EPS15: variants seen among roughly 807,000 people sequenced by gnomAD.
The protein encoded by EPS15 is epidermal growth factor receptor substrate 15.
In EPS15, 72 loss-of-function variants were observed where a neutral mutation model predicts 113.8. The observed-to-expected ratio is 0.63, with a 90% confidence interval of 0.52 to 0.77. The LOEUF is 0.77. EPS15 is among the 30% of genes least tolerant of loss of function. EPS15 has a pLI of 0.00. For synonymous variants in EPS15, 344 were observed against 363.4 expected (o/e 0.95, Z 0.61); for missense variants, 1,048 against 1,045.8 (o/e 1.00, Z -0.03).
chr1:51,436,874 G>A (rs1224156470), intron 12 of EPS15, among the ~76,000 whole-genome samples: 2 of 152,082 alleles, frequency 1.3e-5, no homozygotes, highest in African/African-American at 4.8e-5. Context: ...GGACAATTAG[G>A]GAATTCATAT....
Position 51,444,944 on chromosome 1 carries a change from G to A in EPS15, c.899C>T (p.Pro300Leu). 1 of 1,614,000 alleles carries A rather than the reference G, an allele frequency of 6.2e-7. No homozygotes were observed. Among genetic ancestry groups the A allele is most frequent in the Non-Finnish European group, 8.5e-7 (1 of 1,179,912 alleles). Residue 300 changes from proline (P) to leucine (L), a missense_variant, in exon 11 of 25, where the codon CCT (proline) becomes CTT (leucine). Physicochemically the swap from Pro to Leu is moderately conservative, Grantham distance 98. Coordinates refer to ENST00000371733, the MANE Select transcript of EPS15 (RefSeq NM_001981.3). ...SQKLIKGIDP[P>L]HVLTPEMIPP... is the part of the protein sequence containing the mutation. Reference sequence around the variant, plus strand: ...AATCATTTCAGGAGTAAGAACGTGAGGAGGATCAATGCCCTTGATTAACTT... The same window carrying A: ...AATCATTTCAGGAGTAAGAACGTGAAGAGGATCAATGCCCTTGATTAACTT...
intron 21 of EPS15, among the ~76,000 whole-genome samples, chr1:51,385,009 C>G (rs879520805): frequency 7.2e-5 from 11 of 152,126 alleles, no homozygotes; most frequent in Admixed American, 6.5e-4. Context: ...GGAAATGCTT[C>G]CTGATATTGG....
intron 14 of EPS15, among the ~76,000 whole-genome samples, chr1:51,409,102 G>A (rs565768948): frequency 5.3e-5 from 8 of 152,002 alleles, no homozygotes; most frequent in Non-Finnish European, 1.2e-4. Context: ...CATATTTTTT[G>A]TAGAGATGGG....
intron 8 of EPS15, among the ~76,000 whole-genome samples, chr1:51,450,077 T>A (rs1570330999): frequency 6.6e-6 from 1 of 151,620 alleles, no homozygotes; most frequent in Non-Finnish European, 1.5e-5. Flanking sequence ...GCCAAGGAGG[T>A]ATTCCTAATA....
chr1:51,508,324 G>A (rs868122008), intron 1 of EPS15, among the ~76,000 whole-genome samples: 64 of 123,898 alleles, frequency 5.2e-4, no homozygotes, highest in African/African-American at 2.0e-3. Flanking sequence ...GAGAGAAAGA[G>A]AGAAAGAGAA....
chr1:51,475,481 T>G (rs530163995), intron 2 of EPS15, among the ~76,000 whole-genome samples: 1 of 152,354 alleles, frequency 6.6e-6, no homozygotes, highest in East Asian at 1.9e-4. Context: ...TATCTTCTTT[T>G]GAGAAGTGTC....
intron 21 of EPS15, among the ~76,000 whole-genome samples, chr1:51,379,594 G>T (rs184330542): frequency 8.5e-5 from 13 of 152,258 alleles, no homozygotes; most frequent in Non-Finnish European, 1.6e-4. Flanking sequence ...AAACTGAATG[G>T]TTCATTACCA....
intron 15 of EPS15, among the ~76,000 whole-genome samples, chr1:51,407,435 G>A (rs146210004): frequency 6.6e-6 from 1 of 152,126 alleles, no homozygotes; most frequent in South Asian, 2.1e-4. Context: ...CCGGCCTCAA[G>A]TGATCCATTG....
chr1:51,478,031 TCTGA>T (rs1474105510), intron 2 of EPS15, among the ~76,000 whole-genome samples: 1 of 152,196 alleles, frequency 6.6e-6, no homozygotes, highest in Non-Finnish European at 1.5e-5. Context: ...GTCTCACTGA[TCTGA>T]CTAATGTTGA....
At chr1:51,488,059 T>C (rs1473766955) in intron 1 of EPS15, among the ~76,000 whole-genome samples, 1 of 152,226 alleles carries the variant, frequency 6.6e-6, no homozygotes, top group Non-Finnish European at 1.5e-5. Flanking sequence ...GATTTTTACA[T>C]TCTTCTTCAT....
At chr1:51,447,323 G>T (rs1653145991) in intron 9 of EPS15, among the ~76,000 whole-genome samples, 1 of 152,156 alleles carries the variant, frequency 6.6e-6, no homozygotes, top group South Asian at 2.1e-4. Flanking sequence ...CTTATCCATA[G>T]GTGCACATTT....
At chr1:51,492,638 T>C (rs1378354633) in intron 1 of EPS15, among the ~76,000 whole-genome samples, 1 of 151,904 alleles carries the variant, frequency 6.6e-6, no homozygotes, top group African/African-American at 2.4e-5. Flanking sequence ...GAAAGCAAAG[T>C]ATAGCTTGGG....
chr1:51,441,166 CT>C (rs1388316912), intron 11 of EPS15, among the ~76,000 whole-genome samples: 1 of 152,080 alleles, frequency 6.6e-6, no homozygotes, highest in Non-Finnish European at 1.5e-5. Context: ...GGGAAATAAT[CT>C]CTGCCTTGCC....
chr1:51,479,685 A>G (rs1643984657), intron 2 of EPS15, among the ~76,000 whole-genome samples: 1 of 152,228 alleles, frequency 6.6e-6, no homozygotes, highest in South Asian at 2.1e-4. Context: ...TGGGTTCAAT[A>G]GCAATTTGTT....
At chr1:51,391,024 T>C (rs905717259) in intron 21 of EPS15, among the ~76,000 whole-genome samples, 6 of 152,212 alleles carry the variant, frequency 3.9e-5, no homozygotes, top group African/African-American at 9.7e-5. Context: ...CGTATATTTA[T>C]TGCAGCACTA....
rs770490796 is a variant in EPS15 at position 51,508,238 on chromosome 1, G to GA, written c.33+10960dup. ...GAAAAGAAAAGAAAAGAAAAGAAAA[G>GA]AAAGAGAGAAAGAGAGAGAGAGAGA... On this transcript the variant is annotated intron_variant, in intron 1 of 24. Transcript: ENST00000371733. Among the ~76,000 whole-genome samples the GA allele has an allele frequency of 7.8e-3, 504 of 64,592 alleles. 5 individuals are homozygous for GA. Among genetic ancestry groups the GA allele is most frequent in the African/African-American group, 0.015 (274 of 18,078 alleles). The allele number at this position is 64,592 out of a possible 152,430, so 42.4% of individuals were successfully genotyped here.
chr1:51,408,014 A>G, intron 15 of EPS15, 121 bp downstream of exon 15: 1 of 824,238 alleles, frequency 1.2e-6, no homozygotes, highest in Non-Finnish European at 2.1e-6. Context: ...ATTGTATAAA[A>G]TGACTGAAAA....
At chr1:51,360,356 A>G in intron 24 of EPS15, among the ~76,000 whole-genome samples, 1 of 152,354 alleles carries the variant, frequency 6.6e-6, no homozygotes, top group East Asian at 1.9e-4. Flanking sequence ...AATTTTATTA[A>G]AAAATAACTT....
At chr1:51,505,867 C>T (rs1284286631) in intron 1 of EPS15, among the ~76,000 whole-genome samples, 1 of 144,116 alleles carries the variant, frequency 6.9e-6, no homozygotes, top group Non-Finnish European at 1.6e-5. Flanking sequence ...TCTTGGCTCA[C>T]TACAATTTAT....
Sources: gnomAD v4.1 joint callset for allele counts (sites outside exome capture counted in the v4.1 genomes callset) on GRCh38, gnomAD v4.1.1 for gene constraint, MANE v1.5 for transcripts, NCBI Gene and HGNC (gene_info 2026-07-23, HGNC 2026-07-21) for gene names.